PDE7B: variants seen among roughly 807,000 people sequenced by gnomAD.
PDE7B encodes 3',5'-cyclic-AMP phosphodiesterase 7B.
A neutral mutation model predicts 56.2 loss-of-function variants in PDE7B; 29 were observed. That is an observed-to-expected ratio of 0.52 (90% CI 0.38 to 0.70). PDE7B has a LOEUF of 0.70. Among genes scored for constraint, PDE7B ranks in the 30% least tolerant of loss-of-function variants. PDE7B has a pLI of 0.00. For missense variants in PDE7B, 490 were observed against 565.0 expected, an observed-to-expected ratio of 0.87 and a Z score of 1.35; for synonymous variants, 197 against 196.9, an observed-to-expected ratio of 1.00 and a Z score of 0.00.
At chr6:136,122,352 G>A (rs990673947) in intron 3 of PDE7B, among the ~76,000 whole-genome samples, 2 of 152,086 alleles carry the variant, frequency 1.3e-5, no homozygotes, top group Admixed American at 6.5e-5. Flanking sequence ...ATAGACAAAC[G>A]CATTTTCTTT....
intron 3 of PDE7B, among the ~76,000 whole-genome samples, chr6:136,138,700 C>T (rs926156686): frequency 2.6e-5 from 4 of 152,066 alleles, no homozygotes; most frequent in African/African-American, 7.2e-5. Context: ...AGAAGTTAAA[C>T]GGAGTAGTCA....
At chr6:135,928,475 A>ATATATT (rs1562442872) in intron 1 of PDE7B, among the ~76,000 whole-genome samples, 6 of 106,174 alleles carry the variant, frequency 5.7e-5, no homozygotes, top group Admixed American at 1.3e-4. Context: ...TTATTTATAT[A>ATATATT]TATATATTTA....
chr6:136,092,996 T>C (rs564453788), intron 2 of PDE7B, among the ~76,000 whole-genome samples: 1 of 152,350 alleles, frequency 6.6e-6, no homozygotes, highest in East Asian at 1.9e-4. Context: ...ATTTATTAGC[T>C]TCATGGTGGT....
intron 1 of PDE7B, among the ~76,000 whole-genome samples, chr6:135,854,160 G>A (rs571310736): frequency 8.5e-5 from 13 of 152,248 alleles, no homozygotes; most frequent in East Asian, 5.8e-4. Flanking sequence ...GTAATTATTC[G>A]TCTGAAGTCT....
chr6:136,173,816 A>G lies in PDE7B; in HGVS notation c.731A>G (p.Asn244Ser). The G allele has an allele frequency of 6.2e-7, 1 of 1,609,754 alleles. No homozygotes were observed. The highest frequency in any genetic ancestry group is 8.5e-7 in the Non-Finnish European group (1 of 1,176,270). Residue 244 changes from asparagine to serine, a missense_variant, in exon 9 of 13, where the codon AAT becomes AGT. Coordinates refer to ENST00000308191, the MANE Select transcript of PDE7B (RefSeq NM_018945.4). ...NLYQNMSVLE[N>S]HHWRSTIGML... The stretch of plus-strand genomic sequence containing the variant: ...TTCTAGAATATGTCTGTGCTGGAGA[A>G]TCATCACTGGCGATCTACAATTGGC...
intron 1 of PDE7B, among the ~76,000 whole-genome samples, chr6:135,912,907 G>A (rs1776236931): frequency 6.6e-6 from 1 of 152,068 alleles, no homozygotes; most frequent in African/African-American, 2.4e-5. Flanking sequence ...CCAGAATTTA[G>A]GGGATCAACC....
chr6:136,138,121 C>A (rs1000205382), intron 3 of PDE7B, among the ~76,000 whole-genome samples: 1 of 152,026 alleles, frequency 6.6e-6, no homozygotes, highest in Admixed American at 6.6e-5. Flanking sequence ...ATAAACCTAG[C>A]ATTTTATTAC....
intron 2 of PDE7B, among the ~76,000 whole-genome samples, chr6:135,948,053 T>C (rs1487481902): frequency 6.6e-6 from 1 of 152,074 alleles, no homozygotes; most frequent in African/African-American, 2.4e-5. Flanking sequence ...ATATCATCAA[T>C]GCCTTTGACA....
chr6:136,065,159 G>A (rs773089644), intron 2 of PDE7B, among the ~76,000 whole-genome samples: 2 of 152,078 alleles, frequency 1.3e-5, no homozygotes, highest in Admixed American at 6.5e-5. Flanking sequence ...ACTACAGCTC[G>A]TATTTCTCAG....
rs1470589601 is a variant in PDE7B, at chr6:136,133,237, ATAATAT to A, written c.167-14108_167-14103del. On this transcript the variant is annotated intron_variant, in intron 3 of 12. Transcript: ENST00000308191. ...CCCTAAAACTTAAAGTATAATAATAATAATATTAATAATAATAAAACAAGAAGGGGC... is the reference window on the plus strand; with the variant it reads ...CCCTAAAACTTAAAGTATAATAATAATAATAATAATAAAACAAGAAGGGGC... Among the ~76,000 whole-genome samples the A allele has an allele frequency of 4.6e-5, 7 of 151,240 alleles. No homozygotes were observed. The South Asian group carries it at 1.2e-3, about 27-fold the overall frequency.
chr6:136,008,059 C>G (rs1775820723), intron 2 of PDE7B, among the ~76,000 whole-genome samples: 1 of 151,528 alleles, frequency 6.6e-6, no homozygotes, highest in Non-Finnish European at 1.5e-5. Context: ...GTTCAATTCC[C>G]ACCTATGAGT....
intron 8 of PDE7B, among the ~76,000 whole-genome samples, chr6:136,158,772 G>T (rs553973184): frequency 2.0e-5 from 3 of 152,298 alleles, no homozygotes; most frequent in Admixed American, 1.3e-4. Context: ...AGCAGTCCAG[G>T]TGTCCAGGGT....
At chr6:135,984,140 C>T (rs962733410) in intron 2 of PDE7B, among the ~76,000 whole-genome samples, 3 of 152,182 alleles carry the variant, frequency 2.0e-5, no homozygotes, top group Admixed American at 6.5e-5. Context: ...AATAAGAATA[C>T]AACAGTTGCA....
chr6:135,976,608 A>C (rs772777676), intron 2 of PDE7B, among the ~76,000 whole-genome samples: 2 of 151,948 alleles, frequency 1.3e-5, no homozygotes, highest in Non-Finnish European at 2.9e-5. Context: ...TTGACCACTT[A>C]AAAAGTAAAA....
At chr6:136,137,018 C>T (rs1583901316) in intron 3 of PDE7B, among the ~76,000 whole-genome samples, 1 of 152,060 alleles carries the variant, frequency 6.6e-6, no homozygotes, top group East Asian at 1.9e-4. Context: ...TACCAGGGGT[C>T]AGAAAGGCTG....
At chr6:136,044,905 GCAAA>G (rs1776475093) in intron 2 of PDE7B, 1 of 150,590 alleles carries the variant, frequency 6.6e-6, no homozygotes, top group East Asian at 1.9e-4. Context: ...CTCGTTCTCT[GCAAA>G]CAGTTTCTTT....
chr6:136,195,136 T>A lies in PDE7B; in HGVS notation c.*3296T>A, dbSNP rs1779294536. ...AGGAAAAATCTGCTCTTCCTTTTAA[T>A]AACAGTGATGAATTGTCAGGACCTT... On this transcript the variant is annotated 3_prime_UTR_variant, in exon 13 of 13. Transcript: ENST00000308191. The A allele has an allele frequency of 6.6e-6, 1 of 152,182 alleles. No homozygotes were observed. The highest frequency in any genetic ancestry group is 1.5e-5 in the Non-Finnish European group (1 of 68,038). 9.4% of individuals were successfully genotyped at this position (152,182 alleles called of 1,614,324 possible).
At chr6:136,090,065 G>C (rs1163558376) in intron 2 of PDE7B, among the ~76,000 whole-genome samples, 1 of 152,094 alleles carries the variant, frequency 6.6e-6, no homozygotes, top group Non-Finnish European at 1.5e-5. Context: ...GATTGTTGTG[G>C]GTTTTTTTTC....
At chr6:136,165,793 C>T (rs749509004) in intron 8 of PDE7B, 1 of 152,206 alleles carries the variant, frequency 6.6e-6, no homozygotes, top group Admixed American at 6.5e-5. Flanking sequence ...TTTAGTAGAT[C>T]AGAACTTCAT....
Sources: allele counts gnomAD v4.1 joint callset (sites outside exome capture counted in the v4.1 genomes callset), GRCh38; gene constraint gnomAD v4.1.1; transcripts MANE v1.5; gene names NCBI Gene and HGNC (gene_info 2026-07-23, HGNC 2026-07-21).